Variants in ZNF846 observed in about 807,000 individuals in gnomAD.
ZNF846 encodes the protein zinc finger protein 420 pseudogene.
Under a neutral mutation model 16.0 loss-of-function variants are expected in ZNF846, and 15 were observed. The observed-to-expected ratio is 0.94, with a 90% confidence interval of 0.63 to 1.45. ZNF846 has a LOEUF of 1.45. Ranked by LOEUF, ZNF846 falls within the 40% of genes most tolerant of loss-of-function variation. The pLI, the probability that ZNF846 is intolerant of heterozygous loss-of-function variation, is 0.00. For synonymous variants in ZNF846, 229 were observed against 212.0 expected (o/e 1.08, Z -0.70); for missense variants, 714 against 622.3 (o/e 1.15, Z -1.57).
chr19:9,753,224 ATTTATTT>A (rs1374885753), downstream of ZNF846, among the ~76,000 whole-genome samples: 9 of 100,660 alleles, frequency 8.9e-5, no homozygotes, highest in Middle Eastern at 4.5e-3. Flanking sequence ...GACAAAATTT[ATTTATTT>A]ATTTATTTAT....
chr19:9,761,292 C>T (rs1386715712), intron 4 of ZNF846, among the ~76,000 whole-genome samples: 8 of 151,564 alleles, frequency 5.3e-5, no homozygotes, highest in Admixed American at 3.3e-4. Flanking sequence ...TATATTTTAC[C>T]TAAAAAAAGT....
Position 9,761,964 on chromosome 19 carries a change from G to T in ZNF846, c.229+118C>A. 4 of 745,174 alleles carry T rather than the reference G, an allele frequency of 5.4e-6. No homozygotes were observed. The South Asian group carries it at 7.1e-5, about 13-fold the overall frequency. 46.2% of individuals were successfully genotyped at this position (745,174 alleles called of 1,614,324 possible). A position where few individuals can be genotyped will look rare whatever the true frequency, so the allele number is the denominator to read the frequency against. On this transcript the variant is annotated intron_variant, in intron 4 of 5. Transcript: ENST00000397902. Reference sequence around the variant, plus strand: ...TATCTAAGGAAACCAAATGGCCTCAGCCTTCTCAGGAAGAAGAGTATACCC... The same window carrying T: ...TATCTAAGGAAACCAAATGGCCTCATCCTTCTCAGGAAGAAGAGTATACCC...
chr19:9,757,330 T>G (rs940551410), downstream of ZNF846: 8 of 656,246 alleles, frequency 1.2e-5, no homozygotes, highest in South Asian at 1.7e-4. Context: ...GCCTATTCCT[T>G]ATATCACTGG....
In ZNF846 at chr19:9,759,489, G is replaced by C. The variant is rs184394501; in HGVS notation, c.312+371C>G. Among the ~76,000 whole-genome samples the C allele has an allele frequency of 2.6e-3, 387 of 151,738 alleles. 3 individuals carry two copies. Among genetic ancestry groups the C allele is most frequent in the Non-Finnish European group, 4.4e-3 (302 of 68,000 alleles). ...ATGGTGGCTCATGCCTGTAGTCTCAGCTATTCAGGAGGCTGAGGCTGGAGG... is the reference window on the plus strand; with the variant it reads ...ATGGTGGCTCATGCCTGTAGTCTCACCTATTCAGGAGGCTGAGGCTGGAGG... On this transcript the variant is annotated intron_variant, in intron 5 of 5. Transcript: ENST00000397902.
At chr19:9,784,524 T>C (rs556437824) in intron 1 of ZNF846, among the ~76,000 whole-genome samples, 33 of 152,320 alleles carry the variant, frequency 2.2e-4, no homozygotes, top group Admixed American at 1.6e-3. Context: ...AGACATTCCA[T>C]TCCCAGGGAT....
At position 9,762,062 on chromosome 19, in the gene ZNF846, A is replaced by C; in HGVS notation, c.229+20T>G. On this transcript the variant is annotated intron_variant, in intron 4 of 5. Coordinates refer to ENST00000397902, the Ensembl canonical transcript of ZNF846. ...GGTGGCACAGCAGTGCCATAATACC[A>C]CATCTGCTTATGAACTCACCCTGCA... 1 of 1,608,450 alleles carries C rather than the reference A, an allele frequency of 6.2e-7. No individual in the cohort carries two copies. The highest frequency in any genetic ancestry group is 8.5e-7 in the Non-Finnish European group (1 of 1,175,048).
Position 9,765,052 on chromosome 19 carries a change from T to A in ZNF846, c.-85-17A>T, listed in dbSNP as rs578065312. 16 of 1,304,114 alleles carry A rather than the reference T, an allele frequency of 1.2e-5. No individual in the cohort carries two copies. The African/African-American group carries it at 1.4e-4, about 12-fold the overall frequency. The allele number at this position is 1,304,114 out of a possible 1,614,324, so 80.8% of individuals were successfully genotyped here. ...AAAAATGACCTTTGGAAAAGAATAA[T>A]GGCATGTCAGTTGGATACATCAAAG... On this transcript the variant is annotated splice_polypyrimidine_tract_variant and intron_variant, in intron 1 of 5. Transcript: ENST00000397902.
At chr19:9,757,328 CT>C (rs2045147173), downstream of ZNF846, 1 of 650,190 alleles carries the variant, frequency 1.5e-6, no homozygotes, top group African/African-American at 1.9e-5. Context: ...TTGCCTATTC[CT>C]TATATCACTG....
Position 9,760,060 on chromosome 19 carries a change from G to C in ZNF846, c.230-118C>G, listed in dbSNP as rs2045199710. ...TAATCCTAGCACTTTTGGAGGCCTA[G>C]ATAGGTGGCTTACCTGAGGTTAGGA... On this transcript the variant is annotated intron_variant, in intron 4 of 5. Coordinates refer to ENST00000397902, the Ensembl canonical transcript of ZNF846. The C allele has an allele frequency of 7.6e-6, 5 of 658,562 alleles. No individual in the cohort carries two copies. In the Admixed American group the frequency reaches 1.4e-4, roughly 18 times the overall value. The allele number at this position is 658,562 out of a possible 1,614,324, so 40.8% of individuals were successfully genotyped here.
exon 6 of ZNF846, chr19:9,757,681 T>C: frequency 6.2e-7 from 1 of 1,613,378 alleles, no homozygotes; most frequent in South Asian, 1.1e-5. Flanking sequence ...ATGTGCATAT[T>C]AAGATTTGTG....
downstream of ZNF846, chr19:9,755,528 C>G (rs555052021): frequency 1.3e-5 from 2 of 151,330 alleles, no homozygotes; most frequent in East Asian, 3.9e-4. Flanking sequence ...AGGCCGGGCG[C>G]GGTGGCTCAC....
chr19:9,768,679 T>G (rs139114763), upstream of ZNF846: 40 of 152,442 alleles, frequency 2.6e-4, no homozygotes, highest in African/African-American at 8.7e-4. Flanking sequence ...AGGTTGAGCA[T>G]GAGCGCTGGC....
intron 1 of ZNF846, among the ~76,000 whole-genome samples, chr19:9,783,799 C>T (rs1368463135): frequency 6.6e-6 from 1 of 151,632 alleles, no homozygotes; most frequent in African/African-American, 2.4e-5. Flanking sequence ...GGTGATCCTC[C>T]CACCTCAGCC....
At chr19:9,757,229 A>G (rs1048779518), downstream of ZNF846, among the ~76,000 whole-genome samples, 2 of 151,578 alleles carry the variant, frequency 1.3e-5, no homozygotes, top group African/African-American at 4.9e-5. Context: ...ATAGTGGAAG[A>G]AACAAAGGCT....
In ZNF846 at chr19:9,761,983, T is replaced by C. The variant is rs564909797; in HGVS notation, c.229+99A>G. Reference sequence around the variant, plus strand: ...GCCTCAGCCTTCTCAGGAAGAAGAGTATACCCTGAGAAGTTCGCAAAGTAA... The same window carrying C: ...GCCTCAGCCTTCTCAGGAAGAAGAGCATACCCTGAGAAGTTCGCAAAGTAA... On this transcript the variant is annotated intron_variant, in intron 4 of 5. Transcript: ENST00000397902. 3 of 942,100 alleles carry C rather than the reference T, an allele frequency of 3.2e-6. No individual in the cohort carries two copies. The Admixed American group carries it at 5.8e-5, about 18-fold the overall frequency. The allele number at this position is 942,100 out of a possible 1,614,324, so 58.4% of individuals were successfully genotyped here.
downstream of ZNF846, chr19:9,756,055 G>A (rs1031994645): frequency 1.3e-5 from 2 of 148,420 alleles, no homozygotes; most frequent in Non-Finnish European, 3.0e-5. Flanking sequence ...TGGCAGGCTG[G>A]TCTCAAACTC....
chr19:9,783,505 A>G (rs1003177349), intron 1 of ZNF846, among the ~76,000 whole-genome samples: 5 of 140,816 alleles, frequency 3.6e-5, no homozygotes, highest in Non-Finnish European at 6.1e-5. Context: ...AGCCTGGGCA[A>G]CATAGTGAGA....
chr19:9,751,450 G>C (rs939347145), downstream of ZNF846, among the ~76,000 whole-genome samples: 13 of 152,062 alleles, frequency 8.5e-5, no homozygotes, highest in Admixed American at 8.5e-4. Context: ...GCCGCACCAT[G>C]GTCAAACCAT....
At chr19:9,770,407 A>G (rs906931592), upstream of ZNF846, among the ~76,000 whole-genome samples, 6 of 151,172 alleles carry the variant, frequency 4.0e-5, no homozygotes, top group Admixed American at 2.6e-4. Context: ...ATCAGTACTT[A>G]ATTTTTTTTT....
Sources: gnomAD v4.1 joint callset for allele counts (sites outside exome capture counted in the v4.1 genomes callset) on GRCh38, gnomAD v4.1.1 for gene constraint, MANE v1.5 for transcripts, NCBI Gene and HGNC (gene_info 2026-07-23, HGNC 2026-07-21) for gene names.